ZNF600: variants seen among roughly 807,000 people sequenced by gnomAD.
ZNF600 encodes the protein zinc finger protein KR-ZNF1.
ZNF600 carries 4 observed loss-of-function variants against 7.3 expected under a neutral mutation model. The observed-to-expected ratio is 0.55, with a 90% CI of 0.27 to 1.25. The LOEUF is 1.25. ZNF600 is among the 50% of genes most tolerant of loss of function. The pLI, the probability that ZNF600 is intolerant of heterozygous loss-of-function variation, is 0.12. For missense variants in ZNF600, 911 were observed against 922.1 expected (o/e 0.99, Z 0.16); for synonymous variants, 290 against 308.9 (o/e 0.94, Z 0.64).
the ZNF600 span, among the ~76,000 whole-genome samples, chr19:52,831,233 G>A: frequency 6.6e-6 from 1 of 152,146 alleles, no homozygotes; most frequent in Non-Finnish European, 1.5e-5. Flanking sequence ...GTAGAGATGT[G>A]TCTGTGGAAA....
chr19:52,812,184 G>A, the ZNF600 span, among the ~76,000 whole-genome samples: 1 of 131,322 alleles, frequency 7.6e-6, no homozygotes, highest in East Asian at 2.2e-4. Context: ...CCATCTGGGA[G>A]GTGAGGGGCG....
At chr19:52,830,418 C>A in the ZNF600 span, among the ~76,000 whole-genome samples, 2 of 152,074 alleles carry the variant, frequency 1.3e-5, no homozygotes, top group Non-Finnish European at 2.9e-5. Context: ...GATCCTGGGC[C>A]TGAAGGATCC....
the ZNF600 span, among the ~76,000 whole-genome samples, chr19:52,827,221 C>T: frequency 2.8e-5 from 4 of 144,978 alleles, no homozygotes; most frequent in African/African-American, 1.0e-4. Flanking sequence ...CCAGACTGGG[C>T]CATAGAGCAA....
At chr19:52,765,455 A>C in exon 4 of ZNF600, 1 of 1,341,652 alleles carries the variant, frequency 7.5e-7, no homozygotes, top group Non-Finnish European at 1.1e-6. Context: ...TGTGTCAATG[A>C]ACTGCAATGT....
exon 4 of ZNF600, chr19:52,766,370 T>G: frequency 6.2e-7 from 1 of 1,614,146 alleles, no homozygotes; most frequent in Non-Finnish European, 8.5e-7. Context: ...CGGTGTGAAT[T>G]ATCTTATGTG....
At chr19:52,784,757 CT>C (rs1208938057) in intron 1 of ZNF600, among the ~76,000 whole-genome samples, 1 of 152,166 alleles carries the variant, frequency 6.6e-6, no homozygotes, top group Non-Finnish European at 1.5e-5. Context: ...GAGACAGGGT[CT>C]TGCTCTTTTG....
In ZNF600 at chr19:52,786,802, C is replaced by G. The variant is rs62119568; in HGVS notation, c.-227G>C. Reference sequence around the variant, plus strand: ...TGCGCGCCCAGGACTGAAGCCAGGCCGGGGCAGGTTGGCTGGACCTGGGCG... The same window carrying G: ...TGCGCGCCCAGGACTGAAGCCAGGCGGGGGCAGGTTGGCTGGACCTGGGCG... On this transcript the variant is annotated 5_prime_UTR_variant, in exon 1 of 4. Transcript: ENST00000648973. 8.7e-3 allele frequency: 3,130 copies of G among 361,478 alleles called. 19 individuals are homozygous for G. Among genetic ancestry groups the G allele is most frequent in the Admixed American group, 0.013 (491 of 37,112 alleles). 22.4% of individuals were successfully genotyped at this position (361,478 alleles called of 1,614,324 possible).
At chr19:52,799,894 C>A in the ZNF600 span, 1 of 1,613,588 alleles carries the variant, frequency 6.2e-7, no homozygotes. Context: ...TGATGGTATA[C>A]GAGGGATGAC....
the ZNF600 span, among the ~76,000 whole-genome samples, chr19:52,811,036 C>G: frequency 8.1e-5 from 12 of 148,504 alleles, no homozygotes; most frequent in African/African-American, 1.7e-4. Context: ...ATTGCAGGCA[C>G]GCGCCGCCAC....
chr19:52,778,708 G>GA (rs1319842598), intron 2 of ZNF600, 118 bp downstream of exon 4: 1 of 1,364,574 alleles, frequency 7.3e-7, no homozygotes, highest in Non-Finnish European at 9.9e-7. Flanking sequence ...AGGCATGGCT[G>GA]AGTGTGAGTG....
At chr19:52,766,361 G>A (rs58262989) in exon 4 of ZNF600, 63,876 of 1,611,096 alleles carry the variant, frequency 0.04, 2,459 homozygotes, top group East Asian at 0.24. Flanking sequence ...GTTTCTCTCC[G>A]GTGTGAATTA....
the ZNF600 span, chr19:52,810,146 G>A: frequency 3.3e-6 from 3 of 912,204 alleles, no homozygotes; most frequent in Non-Finnish European, 5.5e-6. Flanking sequence ...GTGACCCGGG[G>A]CTGGAAGCTA....
chr19:52,829,821 T>C, the ZNF600 span, among the ~76,000 whole-genome samples: 68,028 of 150,960 alleles, frequency 0.45, 16,861 homozygotes, highest in Non-Finnish European at 0.57. Flanking sequence ...CAGTCTAAGC[T>C]GTTTCTGACA....
chr19:52,817,323 G>A, the ZNF600 span, among the ~76,000 whole-genome samples: 1 of 152,050 alleles, frequency 6.6e-6, no homozygotes, highest in Non-Finnish European at 1.5e-5. Context: ...GGTGAGCTGA[G>A]ATCACGCCAT....
At chr19:52,771,644 AT>A (rs1281456302) in intron 3 of ZNF600, among the ~76,000 whole-genome samples, 2 of 152,098 alleles carry the variant, frequency 1.3e-5, no homozygotes, top group African/African-American at 2.4e-5. Flanking sequence ...CACCCAGCTA[AT>A]TTTTGTATTT....
upstream of ZNF600, among the ~76,000 whole-genome samples, chr19:52,788,551 T>A (rs565275638): frequency 6.6e-6 from 1 of 152,280 alleles, no homozygotes; most frequent in Non-Finnish European, 1.5e-5. Context: ...CCAGAGATTA[T>A]GTGGAGATAA....
chr19:52,810,570 T>C, the ZNF600 span: 1 of 1,593,218 alleles, frequency 6.3e-7, no homozygotes, highest in East Asian at 2.2e-5. Flanking sequence ...GACCGGGGTC[T>C]TCCACGAGCC....
At chr19:52,817,605 C>A in the ZNF600 span, among the ~76,000 whole-genome samples, 8,495 of 152,144 alleles carry the variant, frequency 0.056, 321 homozygotes, top group African/African-American at 0.11. Context: ...CTGCTCTAAT[C>A]CTGGTCCACA....
chr19:52,832,160 A>G, the ZNF600 span, among the ~76,000 whole-genome samples: 1 of 151,964 alleles, frequency 6.6e-6, no homozygotes, highest in African/African-American at 2.4e-5. Flanking sequence ...CTACAGTGAG[A>G]AAATATCTCA....
Sources: gnomAD v4.1 joint callset for allele counts (sites outside exome capture counted in the v4.1 genomes callset) on GRCh38, gnomAD v4.1.1 for gene constraint, MANE v1.5 for transcripts, NCBI Gene and HGNC (gene_info 2026-07-23, HGNC 2026-07-21) for gene names.